TTC23: variants seen among roughly 807,000 people sequenced by gnomAD.
The protein encoded by TTC23 is tetratricopeptide repeat domain 23, also known as tetratricopeptide repeat protein 23.
A neutral mutation model predicts 55.1 loss-of-function variants in TTC23; 58 were observed. The ratio of observed to expected loss-of-function variants is 1.05; its 90% CI spans 0.85 to 1.31. The LOEUF is 1.31. TTC23 is among the 50% of genes most tolerant of loss of function. The pLI is 0.00. For synonymous variants in TTC23, 203 were observed against 199.9 expected (o/e 1.02, Z -0.13); for missense variants, 516 against 534.4 (o/e 0.97, Z 0.34).
At position 99,245,482 on chromosome 15, in the gene TTC23, C is replaced by G. The variant is rs867876040; in HGVS notation, c.-402G>C. 5 of 148,906 alleles carry G rather than the reference C, an allele frequency of 3.4e-5. No homozygotes were observed. The highest frequency in any genetic ancestry group is 2.0e-4 in the East Asian group (1 of 5,044). 9.2% of individuals were successfully genotyped at this position (148,906 alleles called of 1,614,324 possible). Reference sequence around the variant, plus strand: ...TGAGCCAAGATCACACCACTATACTCCAGCCTGGGTGACAGAGCGAGACTC... The same window carrying G: ...TGAGCCAAGATCACACCACTATACTGCAGCCTGGGTGACAGAGCGAGACTC... On this transcript the variant is annotated 5_prime_UTR_variant, in exon 2 of 14. Coordinates refer to ENST00000394132, the MANE Select transcript of TTC23 (RefSeq NM_001288615.3).
chr15:99,231,183 C>T (rs1397283207), intron 4 of TTC23, among the ~76,000 whole-genome samples: 1 of 152,154 alleles, frequency 6.6e-6, no homozygotes, highest in African/African-American at 2.4e-5. Flanking sequence ...ATGTACAGTA[C>T]ACAATATGTG....
At chr15:99,138,159 G>T (rs782180366) in intron 13 of TTC23, 32 bp from the exon 14 acceptor site, 1 of 1,609,160 alleles carries the variant, frequency 6.2e-7, no homozygotes, top group South Asian at 1.1e-5. Context: ...GGTGAGTGTG[G>T]TGCCCCTCAG....
At chr15:99,228,412 A>T (rs970360499) in intron 5 of TTC23, 121 bp downstream of exon 5, 15 of 884,348 alleles carry the variant, frequency 1.7e-5, no homozygotes, top group African/African-American at 1.0e-4. Flanking sequence ...GCACTGTCTT[A>T]TATACTTTCT....
chr15:99,176,357 C>T (rs2073549890), intron 9 of TTC23, among the ~76,000 whole-genome samples: 1 of 152,174 alleles, frequency 6.6e-6, no homozygotes, highest in Non-Finnish European at 1.5e-5. Context: ...CACAACTGTA[C>T]TCCCAGCAGT....
intron 12 of TTC23, among the ~76,000 whole-genome samples, chr15:99,143,323 G>A (rs569117758): frequency 1.3e-5 from 2 of 152,310 alleles, no homozygotes; most frequent in East Asian, 1.9e-4. Flanking sequence ...AAGCATTTTT[G>A]TGTGAAGTAG....
intron 13 of TTC23, 143 bp downstream of exon 13, chr15:99,139,173 AG>A (rs2067913920): frequency 9.8e-7 from 1 of 1,022,218 alleles, no homozygotes; most frequent in Non-Finnish European, 1.5e-6. Flanking sequence ...CGGGTTTCAA[AG>A]GAACTTGTCC....
chr15:99,188,222 A>C (rs1044367122), intron 9 of TTC23, among the ~76,000 whole-genome samples: 1 of 152,048 alleles, frequency 6.6e-6, no homozygotes, highest in African/African-American at 2.4e-5. Flanking sequence ...AATTATGCTA[A>C]ATGAAAGAAG....
chr15:99,151,520 C>G (rs921992023), intron 12 of TTC23: 1 of 152,322 alleles, frequency 6.6e-6, no homozygotes. Flanking sequence ...AAGTCCTGGA[C>G]AGAGAGCGCC....
intron 4 of TTC23, among the ~76,000 whole-genome samples, chr15:99,232,897 A>G (rs2079040750): frequency 6.6e-6 from 1 of 152,216 alleles, no homozygotes; most frequent in African/African-American, 2.4e-5. Flanking sequence ...AATGTCTATC[A>G]ACAGATGAAT....
chr15:99,206,123 A>G (rs2076607417), intron 8 of TTC23, among the ~76,000 whole-genome samples: 1 of 152,194 alleles, frequency 6.6e-6, no homozygotes. Flanking sequence ...GTGAGGTATC[A>G]TATTTATGGA....
At chr15:99,161,673 A>C in intron 11 of TTC23, 67 bp downstream of exon 11, 1 of 1,544,238 alleles carries the variant, frequency 6.5e-7, no homozygotes, top group South Asian at 1.3e-5. Context: ...ATGCTTGCAG[A>C]GTAAAGGAGT....
intron 8 of TTC23, among the ~76,000 whole-genome samples, chr15:99,201,668 G>A (rs922266080): frequency 6.6e-6 from 1 of 152,112 alleles, no homozygotes; most frequent in Non-Finnish European, 1.5e-5. Flanking sequence ...AAAAACTCAG[G>A]AAGACTTCAG....
intron 4 of TTC23, among the ~76,000 whole-genome samples, 185 bp from the exon 5 acceptor site, chr15:99,228,917 T>C (rs1349154188): frequency 7.0e-6 from 1 of 143,880 alleles, no homozygotes; most frequent in East Asian, 2.2e-4. Context: ...TCTTTCTTTA[T>C]GTATATAGAC....
intron 8 of TTC23, among the ~76,000 whole-genome samples, chr15:99,216,570 T>TACTA (rs775865336): frequency 7.7e-4 from 117 of 152,218 alleles, no homozygotes; most frequent in Admixed American, 4.3e-3. Context: ...TAAGAAGGAA[T>TACTA]ACTAACAGGC....
intron 1 of TTC23, among the ~76,000 whole-genome samples, chr15:99,247,229 T>C (rs758780483): frequency 7.2e-5 from 11 of 152,246 alleles, no homozygotes; most frequent in Middle Eastern, 3.4e-3. Flanking sequence ...AAATGTAAAA[T>C]GGGAAATTCA....
intron 9 of TTC23, among the ~76,000 whole-genome samples, chr15:99,194,031 T>C (rs2075480153): frequency 1.3e-5 from 2 of 151,910 alleles, no homozygotes; most frequent in Admixed American, 6.6e-5. Flanking sequence ...AAAGTTTTAA[T>C]GTTTGAAACT....
intron 9 of TTC23, among the ~76,000 whole-genome samples, chr15:99,176,517 C>T (rs1194167822): frequency 2.0e-5 from 3 of 151,956 alleles, no homozygotes; most frequent in Non-Finnish European, 4.4e-5. Flanking sequence ...AGGGCTAAAG[C>T]GGGTGAATTG....
At chr15:99,197,303 C>T (rs895688143) in intron 9 of TTC23, among the ~76,000 whole-genome samples, 7 of 151,972 alleles carry the variant, frequency 4.6e-5, no homozygotes, top group South Asian at 4.2e-4. Flanking sequence ...GGGGTTTCAC[C>T]ATGTTAGCCA....
intron 3 of TTC23, among the ~76,000 whole-genome samples, chr15:99,238,722 G>A (rs1205069780): frequency 6.6e-6 from 1 of 152,018 alleles, no homozygotes; most frequent in East Asian, 1.9e-4. Flanking sequence ...CATTGAGGAG[G>A]GTTATTGACA....
Sources: allele counts gnomAD v4.1 joint callset (sites outside exome capture counted in the v4.1 genomes callset), GRCh38; gene constraint gnomAD v4.1.1; transcripts MANE v1.5; gene names NCBI Gene and HGNC (gene_info 2026-07-23, HGNC 2026-07-21).